The following FAM135B variants were observed in gnomAD, a reference collection of about 807,000 sequenced individuals.
FAM135B encodes protein FAM135B.
In FAM135B, 43 loss-of-function variants were observed where a neutral mutation model predicts 127.7. That is an observed-to-expected ratio of 0.34 (90% CI 0.26 to 0.43). The LOEUF is 0.43. Ranked by LOEUF, FAM135B falls within the 20% of genes least tolerant of loss-of-function variation. FAM135B has a pLI of 1.00. For synonymous variants in FAM135B, 670 were observed against 665.1 expected, an observed-to-expected ratio of 1.01 and a Z score of -0.11; for missense variants, 1,558 against 1,725.6, an observed-to-expected ratio of 0.90 and a Z score of 1.72.
chr8:138,326,991 G>C lies in FAM135B; in HGVS notation c.78-16071C>G, dbSNP rs946335471. 3.3e-5 allele frequency among the ~76,000 whole-genome samples: 5 copies of C among 152,248 alleles called. No individual in the cohort carries two copies. The South Asian group carries it at 8.3e-4, about 25-fold the overall frequency. On this transcript the variant is annotated intron_variant, in intron 2 of 19. Coordinates refer to ENST00000395297, the MANE Select transcript of FAM135B (RefSeq NM_015912.4). Reference sequence around the variant, plus strand: ...AGTCTTCCAAAGATTTGCAAAGTCTGTGCTAGATCTCATGACTGCTAATGT... The same window carrying C: ...AGTCTTCCAAAGATTTGCAAAGTCTCTGCTAGATCTCATGACTGCTAATGT...
intron 18 of FAM135B, among the ~76,000 whole-genome samples, 193 bp from the exon 19 acceptor site, chr8:138,137,453 C>A (rs1435633570): frequency 1.3e-5 from 2 of 152,002 alleles, no homozygotes; most frequent in East Asian, 3.9e-4. Context: ...AGAGGTATCG[C>A]GGGGGCCTAT....
Position 138,407,181 on chromosome 8 carries a change from C to T in FAM135B, c.-19-39179G>A, listed in dbSNP as rs1347699819. ...AATTGCTTCAAAGAGAATAAAATACCCAGGAATCCAACTTACAAGGGACGT... is the reference window on the plus strand; with the variant it reads ...AATTGCTTCAAAGAGAATAAAATACTCAGGAATCCAACTTACAAGGGACGT... On this transcript the variant is annotated intron_variant, in intron 1 of 19. Coordinates refer to ENST00000395297, the MANE Select transcript of FAM135B (RefSeq NM_015912.4). 7.4e-5 allele frequency among the ~76,000 whole-genome samples: 11 copies of T among 148,344 alleles called. No homozygotes were observed. In the South Asian group the frequency reaches 8.5e-4, roughly 11 times the overall value.
At chr8:138,366,158 T>G in intron 2 of FAM135B, among the ~76,000 whole-genome samples, 1 of 152,322 alleles carries the variant, frequency 6.6e-6, no homozygotes, top group East Asian at 1.9e-4. Context: ...AGCTATGTAC[T>G]GTTCTACTTC....
intron 3 of FAM135B, among the ~76,000 whole-genome samples, chr8:138,306,429 C>T (rs550616715): frequency 1.8e-4 from 27 of 148,308 alleles, no homozygotes; most frequent in Non-Finnish European, 3.7e-4. Flanking sequence ...AGCAAGACTC[C>T]GTCTCGAAAA....
intron 3 of FAM135B, among the ~76,000 whole-genome samples, chr8:138,277,829 C>CCATG (rs1239122504): frequency 1.3e-5 from 2 of 152,296 alleles, no homozygotes; most frequent in Non-Finnish European, 2.9e-5. Flanking sequence ...TCCATCTCTT[C>CCATG]CATGCATCCC....
At chr8:138,146,441 A>G (rs1817661986) in intron 14 of FAM135B, among the ~76,000 whole-genome samples, 1 of 152,164 alleles carries the variant, frequency 6.6e-6, no homozygotes, top group African/African-American at 2.4e-5. Flanking sequence ...CCCCATCTTC[A>G]GTTACTTACT....
At chr8:138,348,363 G>A (rs1425684465) in intron 2 of FAM135B, among the ~76,000 whole-genome samples, 1 of 152,008 alleles carries the variant, frequency 6.6e-6, no homozygotes, top group Non-Finnish European at 1.5e-5. Flanking sequence ...TCGAACTCCT[G>A]ACCTCAGGTG....
At chr8:138,411,109 T>G (rs903857656) in intron 1 of FAM135B, among the ~76,000 whole-genome samples, 2 of 144,858 alleles carry the variant, frequency 1.4e-5, no homozygotes, top group African/African-American at 2.7e-5. Flanking sequence ...AAGCTACCAA[T>G]GACTTTCTTC....
At chr8:138,174,637 TA>T (rs1172708177) in intron 11 of FAM135B, among the ~76,000 whole-genome samples, 5 of 152,222 alleles carry the variant, frequency 3.3e-5, no homozygotes, top group African/African-American at 1.2e-4. Context: ...TAATGTCTAC[TA>T]TTTACTGAAT....
intron 4 of FAM135B, among the ~76,000 whole-genome samples, chr8:138,259,295 A>T (rs73439013): frequency 0.016 from 2,481 of 152,284 alleles, 50 homozygotes; most frequent in East Asian, 0.09. Context: ...GCTTTGTCAC[A>T]GCGTGATGGC....
At chr8:138,452,926 GAGA>G (rs778912637) in intron 1 of FAM135B, among the ~76,000 whole-genome samples, 5 of 152,184 alleles carry the variant, frequency 3.3e-5, no homozygotes, top group Admixed American at 6.5e-5. Context: ...AATGATCCAA[GAGA>G]AGAAGGAGGA....
chr8:138,453,977 AGT>A (rs1836636417), intron 1 of FAM135B, among the ~76,000 whole-genome samples: 1 of 151,752 alleles, frequency 6.6e-6, no homozygotes, highest in African/African-American at 2.4e-5. Context: ...TCTTGGGGAG[AGT>A]GTGTGGCTTT....
chr8:138,225,462 A>G (rs1443681717), intron 7 of FAM135B, among the ~76,000 whole-genome samples: 1 of 147,822 alleles, frequency 6.8e-6, no homozygotes, highest in Non-Finnish European at 1.5e-5. Flanking sequence ...AAACAAAAAA[A>G]AAACAAAAAA....
intron 1 of FAM135B, among the ~76,000 whole-genome samples, chr8:138,469,268 A>C (rs925051886): frequency 6.6e-6 from 1 of 152,154 alleles, no homozygotes; most frequent in African/African-American, 2.4e-5. Flanking sequence ...GAAAACATGA[A>C]AGGTAATCAA....
chr8:138,364,115 C>T (rs1830598338), intron 2 of FAM135B, among the ~76,000 whole-genome samples: 1 of 152,196 alleles, frequency 6.6e-6, no homozygotes, highest in Non-Finnish European at 1.5e-5. Flanking sequence ...ACCTTGCACA[C>T]CAGGCTTGGA....
At chr8:138,467,687 T>C (rs1242400845) in intron 1 of FAM135B, among the ~76,000 whole-genome samples, 1 of 152,198 alleles carries the variant, frequency 6.6e-6, no homozygotes, top group Non-Finnish European at 1.5e-5. Flanking sequence ...GTCAATGTTA[T>C]GGGTGCAGTG....
At chr8:138,313,814 C>T (rs1826875039) in intron 2 of FAM135B, among the ~76,000 whole-genome samples, 1 of 148,246 alleles carries the variant, frequency 6.7e-6, no homozygotes, top group African/African-American at 2.5e-5. Context: ...AATTTGTTTA[C>T]TCAAAAAAAT....
At chr8:138,393,235 G>A (rs966731575) in intron 1 of FAM135B, among the ~76,000 whole-genome samples, 3 of 152,156 alleles carry the variant, frequency 2.0e-5, no homozygotes, top group African/African-American at 7.2e-5. Flanking sequence ...TTCAAGATGA[G>A]ATTTGGTTGG....
chr8:138,416,024 G>T (rs1169595146), intron 1 of FAM135B, among the ~76,000 whole-genome samples: 1 of 152,006 alleles, frequency 6.6e-6, no homozygotes, highest in African/African-American at 2.4e-5. Context: ...CCTTCCCTTG[G>T]AGCATTCATG....
Sources: allele counts gnomAD v4.1 joint callset (sites outside exome capture counted in the v4.1 genomes callset), GRCh38; gene constraint gnomAD v4.1.1; transcripts MANE v1.5; gene names NCBI Gene and HGNC (gene_info 2026-07-23, HGNC 2026-07-21).